The following TCHP variants were observed in gnomAD, a reference collection of about 807,000 sequenced individuals.
TCHP encodes the protein trichoplein keratin filament-binding protein.
TCHP carries 81 observed loss-of-function variants against 88.7 expected under a neutral mutation model. The ratio of observed to expected loss-of-function variants is 0.91; its 90% CI spans 0.76 to 1.10. The LOEUF (loss-of-function observed/expected upper bound fraction) is 1.10. Among genes scored for constraint, TCHP ranks in the 50% least tolerant of loss-of-function variants. TCHP has a pLI of 0.00. For synonymous variants in TCHP, 232 were observed against 232.5 expected, an observed-to-expected ratio of 1.00 and a Z score of 0.02; for missense variants, 641 against 632.1, an observed-to-expected ratio of 1.01 and a Z score of -0.15.
At chr12:109,906,146 A>G (rs1462213589) in intron 4 of TCHP, among the ~76,000 whole-genome samples, 1 of 152,248 alleles carries the variant, frequency 6.6e-6, no homozygotes, top group Non-Finnish European at 1.5e-5. Context: ...TACAGGGAGT[A>G]CGTAGTCCAT....
chr12:109,887,339 T>G, the TCHP span, among the ~76,000 whole-genome samples: 1 of 149,854 alleles, frequency 6.7e-6, no homozygotes, highest in East Asian at 2.0e-4. Flanking sequence ...GGAGAATCGC[T>G]TGAACACAGG....
the TCHP span, among the ~76,000 whole-genome samples, chr12:109,887,493 CT>C: frequency 6.6e-6 from 1 of 151,470 alleles, no homozygotes; most frequent in African/African-American, 2.4e-5. Context: ...GTTAATTCTA[CT>C]TTTCTCCCTT....
At chr12:109,908,337 A>C (rs1201817269) in intron 6 of TCHP, among the ~76,000 whole-genome samples, 1 of 152,186 alleles carries the variant, frequency 6.6e-6, no homozygotes, top group Non-Finnish European at 1.5e-5. Flanking sequence ...ACAGTTGTTA[A>C]GTTACAGTAA....
At chr12:109,881,161 C>A in the TCHP span, among the ~76,000 whole-genome samples, 38 of 152,342 alleles carry the variant, frequency 2.5e-4, no homozygotes, top group African/African-American at 8.2e-4. Context: ...GAACATAAGG[C>A]TGACTTCCTA....
At chr12:109,912,830 T>C (rs576831452) in intron 9 of TCHP, 161 bp from the exon 10 acceptor site, 1 of 635,186 alleles carries the variant, frequency 1.6e-6, no homozygotes, top group Admixed American at 2.7e-5. Context: ...GTACTTTCCG[T>C]GGATGCTGTC....
chr12:109,901,598 C>T (rs1869799583), intron 1 of TCHP, among the ~76,000 whole-genome samples: 1 of 152,176 alleles, frequency 6.6e-6, no homozygotes, highest in Admixed American at 6.5e-5. Flanking sequence ...CACCATAAAA[C>T]CTTGAGTTGG....
chr12:109,893,106 G>A, the TCHP span, among the ~76,000 whole-genome samples: 2 of 152,136 alleles, frequency 1.3e-5, no homozygotes, highest in Non-Finnish European at 2.9e-5. Flanking sequence ...CAGGCCGGGC[G>A]CAGTGGCTCA....
chr12:109,911,078 A>C lies in TCHP; in HGVS notation c.895A>C (p.Ile299Leu), dbSNP rs756896995. 1.1e-5 allele frequency: 17 copies of C among 1,585,574 alleles called. No individual in the cohort carries two copies. In the Admixed American group the frequency reaches 3.0e-4, roughly 28 times the overall value. Reference sequence around the variant, plus strand: ...CTTCCTCTAGGAGGCAGACAGGCGGATCCTGCAGGCCCTCCTCGAGAAGGA... The same window carrying C: ...CTTCCTCTAGGAGGCAGACAGGCGGCTCCTGCAGGCCCTCCTCGAGAAGGA... ...IQEELEADRRILQALLEKEDE... is the reference protein window; with the variant it reads ...IQEELEADRRLLQALLEKEDE... The change falls in exon 9 of 13, where the codon ATC (isoleucine) becomes CTC (leucine). Residue 299 changes from isoleucine (I) to leucine (L), a missense_variant. Coordinates refer to ENST00000405876, the MANE Select transcript of TCHP (RefSeq NM_001143852.2).
chr12:109,904,365 T>C (rs1237023631), intron 3 of TCHP, among the ~76,000 whole-genome samples: 1 of 152,194 alleles, frequency 6.6e-6, no homozygotes, highest in Non-Finnish European at 1.5e-5. Flanking sequence ...TCTGAGTGCT[T>C]TTCCTTTCTT....
upstream of TCHP, chr12:109,900,252 G>C (rs1301812769): frequency 6.6e-6 from 1 of 152,090 alleles, no homozygotes; most frequent in Non-Finnish European, 1.5e-5. Context: ...CGCTGAAGGA[G>C]GCTTGGCCCT....
At chr12:109,897,745 A>G (rs1263426484), upstream of TCHP, among the ~76,000 whole-genome samples, 1 of 151,984 alleles carries the variant, frequency 6.6e-6, no homozygotes, top group Non-Finnish European at 1.5e-5. Flanking sequence ...TTTAGTAGAG[A>G]CAAGGTTTCG....
At position 109,905,166 on chromosome 12, in the gene TCHP, C is replaced by T. The variant is rs1870058580; in HGVS notation, c.456+373C>T. 8.0e-6 allele frequency: 2 copies of T among 248,946 alleles called. No individual in the cohort carries two copies. Among genetic ancestry groups the T allele is most frequent in the Non-Finnish European group, 1.6e-5 (2 of 126,964 alleles). 15.4% of individuals were successfully genotyped at this position (248,946 alleles called of 1,614,324 possible). ...CTCTGGAGGGGTTGGGGAGGCTTCC[C>T]AGAGGAGTTCCTGGGGTGGAAGAGT... On this transcript the variant is annotated intron_variant, in intron 4 of 12. Coordinates refer to ENST00000405876, the MANE Select transcript of TCHP (RefSeq NM_001143852.2). This position sits in a 1 kb window ranked among gnomAD's most constrained non-coding sequence, Gnocchi z 4.0.
intron 1 of TCHP, among the ~76,000 whole-genome samples, chr12:109,902,341 G>T (rs1473022077): frequency 1.3e-5 from 2 of 151,768 alleles, no homozygotes; most frequent in Non-Finnish European, 2.9e-5. Context: ...GCTAATTTTT[G>T]ATTTTTTATA....
the TCHP span, among the ~76,000 whole-genome samples, chr12:109,886,133 C>CTATT: frequency 5.3e-5 from 8 of 152,098 alleles, no homozygotes; most frequent in African/African-American, 9.6e-5. Context: ...CAATCCATTA[C>CTATT]TATTTATTTA....
chr12:109,887,200 G>A, the TCHP span, among the ~76,000 whole-genome samples: 1 of 151,958 alleles, frequency 6.6e-6, no homozygotes, highest in East Asian at 1.9e-4. Flanking sequence ...AAGGTGGGTG[G>A]ATCACCAGGT....
chr12:109,904,754 G>T lies in TCHP; in HGVS notation c.417G>T (p.Leu139Phe). The T allele has an allele frequency of 6.2e-7, 1 of 1,613,402 alleles. No individual in the cohort carries two copies. The highest frequency in any genetic ancestry group is 1.1e-5 in the South Asian group (1 of 90,820). ...CTTGATAGATTGCTGAACAACTTTT[G>T]TACGAACACTGGAAAAAGAACAACC... Reference protein sequence around the residue: ...EQRKLIAEQLLYEHWKKNNPK... With the variant: ...EQRKLIAEQLFYEHWKKNNPK... Residue 139 changes from leucine (L) to phenylalanine (F), a missense_variant, in exon 4 of 13, where the codon TTG (leucine) becomes TTT (phenylalanine). Coordinates refer to ENST00000405876, the MANE Select transcript of TCHP (RefSeq NM_001143852.2).
the TCHP span, among the ~76,000 whole-genome samples, chr12:109,885,126 A>G: frequency 6.6e-6 from 1 of 151,542 alleles, no homozygotes; most frequent in Non-Finnish European, 1.5e-5. Context: ...CTGCCACCAC[A>G]CCCTGTTAAC....
chr12:109,909,485 G>A (rs756166347), intron 8 of TCHP, among the ~76,000 whole-genome samples: 30 of 152,202 alleles, frequency 2.0e-4, no homozygotes, highest in South Asian at 4.1e-4. Context: ...AATTGAGGTT[G>A]CATTCCTCAG....
chr12:109,906,821 A>G lies in TCHP; in HGVS notation c.525+181A>G, dbSNP rs2074789259. Among the ~76,000 whole-genome samples, 4 of 152,156 alleles carry G rather than the reference A, an allele frequency of 2.6e-5. No individual in the cohort carries two copies. In the South Asian group the frequency reaches 8.3e-4, roughly 31 times the overall value. ...TTGCTCTTACATATACCAGAATCCT[A>G]TGTGATAATTCCCAGGGCAGAATAA... On this transcript the variant is annotated intron_variant, in intron 5 of 12. Transcript: ENST00000405876.
Sources: allele counts gnomAD v4.1 joint callset (sites outside exome capture counted in the v4.1 genomes callset), GRCh38; gene constraint gnomAD v4.1.1; non-coding constraint Gnocchi (gnomAD v3.1); transcripts MANE v1.5; gene names NCBI Gene and HGNC (gene_info 2026-07-23, HGNC 2026-07-21).